Variants in ARHGAP26 observed in about 807,000 individuals in gnomAD.
ARHGAP26 encodes Rho GTPase activating protein 26.
ARHGAP26 carries 38 observed loss-of-function variants against 104.8 expected under a neutral mutation model. That is an observed-to-expected ratio of 0.36 (90% CI 0.28 to 0.48). ARHGAP26 has a LOEUF of 0.48. Among genes scored for constraint, ARHGAP26 ranks in the 20% least tolerant of loss-of-function variants. The pLI is 0.99. For synonymous variants in ARHGAP26, 341 were observed against 340.0 expected, an observed-to-expected ratio of 1.00 and a Z score of -0.03; for missense variants, 704 against 947.9, an observed-to-expected ratio of 0.74 and a Z score of 3.38.
chr5:143,130,694 G>A (rs1241390407), intron 18 of ARHGAP26, among the ~76,000 whole-genome samples: 1 of 152,144 alleles, frequency 6.6e-6, no homozygotes, highest in African/African-American at 2.4e-5. Context: ...ATCCCAACTC[G>A]AGCCTTTAGC....
At chr5:143,094,527 G>A (rs1400797515) in intron 17 of ARHGAP26, among the ~76,000 whole-genome samples, 3 of 152,216 alleles carry the variant, frequency 2.0e-5, no homozygotes. Context: ...TAAAGTTTCA[G>A]TGCCACAAAA....
At chr5:143,196,541 T>G (rs890666336) in intron 20 of ARHGAP26, among the ~76,000 whole-genome samples, 10 of 152,202 alleles carry the variant, frequency 6.6e-5, no homozygotes, top group African/African-American at 2.4e-4. Context: ...TATTGTTGAT[T>G]TATTAACATT....
intron 20 of ARHGAP26, chr5:143,194,236 A>G (rs1806435535): frequency 6.6e-6 from 1 of 152,272 alleles, no homozygotes; most frequent in Non-Finnish European, 1.5e-5. Context: ...AATGCTCTTC[A>G]TTCAACAACA....
At chr5:143,065,089 A>G (rs1191890159) in intron 17 of ARHGAP26, among the ~76,000 whole-genome samples, 1 of 152,114 alleles carries the variant, frequency 6.6e-6, no homozygotes, top group Non-Finnish European at 1.5e-5. Flanking sequence ...GGAGGAAGAC[A>G]CTCTGTTTTT....
At chr5:142,942,167 G>C (rs1021630739) in intron 11 of ARHGAP26, among the ~76,000 whole-genome samples, 1 of 152,118 alleles carries the variant, frequency 6.6e-6, no homozygotes, top group African/African-American at 2.4e-5. Context: ...CGTTATCTGA[G>C]ACCTGAATTC....
chr5:143,214,956 G>A (rs258820), intron 22 of ARHGAP26, among the ~76,000 whole-genome samples: 85,243 of 152,122 alleles, frequency 0.56, 25,748 homozygotes, highest in African/African-American at 0.79. Flanking sequence ...CAAAATGCAC[G>A]AACAGCCAGC....
intron 1 of ARHGAP26, among the ~76,000 whole-genome samples, chr5:142,864,320 T>C (rs1302467781): frequency 2.0e-5 from 3 of 152,224 alleles, no homozygotes; most frequent in Non-Finnish European, 4.4e-5. Context: ...ATGATAGCAC[T>C]GTTTCCCCGG....
chr5:142,792,537 AT>A (rs543102292), intron 1 of ARHGAP26, among the ~76,000 whole-genome samples: 1 of 151,862 alleles, frequency 6.6e-6, no homozygotes, highest in African/African-American at 2.4e-5. Context: ...ATTGACCCAC[AT>A]TTTTTTTCCT....
At position 143,149,751 on chromosome 5, in the gene ARHGAP26, A is replaced by C. The variant is rs575784013; in HGVS notation, c.1988+2370A>C. 9.2e-5 allele frequency among the ~76,000 whole-genome samples: 14 copies of C among 152,330 alleles called. No homozygotes were observed. The South Asian group carries it at 2.7e-3, about 29-fold the overall frequency. ...CAGAGATCCTCCAGTGGGAACACTT[A>C]ATGATGCAGATGAAAATAAAGAACA... On this transcript the variant is annotated intron_variant, in intron 20 of 22. Coordinates refer to ENST00000645722, the MANE Select transcript of ARHGAP26 (RefSeq NM_001135608.3).
intron 11 of ARHGAP26, among the ~76,000 whole-genome samples, chr5:142,958,621 C>T (rs561377764): frequency 5.3e-5 from 8 of 152,250 alleles, no homozygotes; most frequent in African/African-American, 1.4e-4. Context: ...GAACTGTGAT[C>T]GCACCACTGC....
At chr5:142,831,716 A>G (rs1490046772) in intron 1 of ARHGAP26, among the ~76,000 whole-genome samples, 1 of 151,726 alleles carries the variant, frequency 6.6e-6, no homozygotes, top group Non-Finnish European at 1.5e-5. Flanking sequence ...GGGTCTTTGG[A>G]TGGTGAAGCC....
intron 1 of ARHGAP26, among the ~76,000 whole-genome samples, chr5:142,833,501 T>C (rs1349539478): frequency 1.3e-5 from 2 of 152,250 alleles, no homozygotes; most frequent in Non-Finnish European, 2.9e-5. Context: ...TTTTAAGTTT[T>C]TTTTAAACTA....
intron 1 of ARHGAP26, among the ~76,000 whole-genome samples, chr5:142,809,052 T>G (rs1411974595): frequency 2.0e-5 from 3 of 152,248 alleles, no homozygotes; most frequent in Non-Finnish European, 2.9e-5. Flanking sequence ...GCTTTGACTT[T>G]TATCAGAAAT....
chr5:142,937,662 GAATGGTTAAACA>G (rs1355018865), intron 11 of ARHGAP26, among the ~76,000 whole-genome samples: 2 of 152,130 alleles, frequency 1.3e-5, no homozygotes, highest in African/African-American at 4.8e-5. Flanking sequence ...TTTAATGGGT[GAATGGTTAAACA>G]AACTGGTACA....
At chr5:142,906,750 C>G (rs1761160083) in intron 8 of ARHGAP26, among the ~76,000 whole-genome samples, 1 of 152,158 alleles carries the variant, frequency 6.6e-6, no homozygotes, top group Non-Finnish European at 1.5e-5. Flanking sequence ...CCTTGACGGC[C>G]CAGTGGAAAC....
intron 1 of ARHGAP26, among the ~76,000 whole-genome samples, chr5:142,853,585 G>T (rs1339950906): frequency 6.6e-6 from 1 of 152,182 alleles, no homozygotes; most frequent in Admixed American, 6.5e-5. Context: ...TTGTAAAAGG[G>T]ATTTAAACAA....
chr5:142,913,087 A>G, intron 9 of ARHGAP26, 112 bp from the exon 10 acceptor site: 2 of 922,800 alleles, frequency 2.2e-6, no homozygotes, highest in South Asian at 2.8e-5. Context: ...GGTCATGAGC[A>G]CTCAGATTTG....
At chr5:142,978,373 C>T (rs1278497128) in intron 11 of ARHGAP26, among the ~76,000 whole-genome samples, 3 of 152,188 alleles carry the variant, frequency 2.0e-5, no homozygotes, top group African/African-American at 7.2e-5. Context: ...GTGAGGGGCT[C>T]TGTCTATGTA....
At chr5:143,116,168 G>A (rs182684559) in intron 17 of ARHGAP26, among the ~76,000 whole-genome samples, 74 of 152,198 alleles carry the variant, frequency 4.9e-4, no homozygotes, top group Middle Eastern at 6.8e-3. Context: ...AAGTTTGAGC[G>A]CTACTATTAT....
Sources: gnomAD v4.1 joint callset for allele counts (sites outside exome capture counted in the v4.1 genomes callset) on GRCh38, gnomAD v4.1.1 for gene constraint, MANE v1.5 for transcripts, NCBI Gene and HGNC (gene_info 2026-07-23, HGNC 2026-07-21) for gene names.